RALGAPA2: variants seen among roughly 807,000 people sequenced by gnomAD.
RALGAPA2 encodes ral GTPase-activating protein subunit alpha-2.
A neutral mutation model predicts 230.4 loss-of-function variants in RALGAPA2; 139 were observed. The observed-to-expected ratio is 0.60, with a 90% CI of 0.53 to 0.69. The LOEUF is 0.69. Ranked by LOEUF, RALGAPA2 falls within the 30% of genes least tolerant of loss-of-function variation. RALGAPA2 has a pLI of 0.00. For synonymous variants in RALGAPA2, 847 were observed against 837.8 expected (o/e 1.01, Z -0.19); for missense variants, 2,163 against 2,276.0 (o/e 0.95, Z 1.01).
chr20:20,687,381 A>G (rs1176296729), intron 1 of RALGAPA2, among the ~76,000 whole-genome samples: 2 of 152,218 alleles, frequency 1.3e-5, no homozygotes, highest in Non-Finnish European at 2.9e-5. Context: ...GTTTGCAGAA[A>G]TGCCACAAAT....
intron 13 of RALGAPA2, 44 bp from the exon 14 acceptor site, chr20:20,611,470 C>T (rs1282625627): frequency 6.3e-7 from 1 of 1,580,714 alleles, no homozygotes; most frequent in Non-Finnish European, 8.6e-7. Context: ...ATCATGTCTC[C>T]AAAGCACTTT....
chr20:20,598,297 T>C (rs1262907675), intron 16 of RALGAPA2, among the ~76,000 whole-genome samples: 1 of 152,188 alleles, frequency 6.6e-6, no homozygotes. Context: ...ATTCATTTTT[T>C]GGAAGGCATA....
At chr20:20,477,697 T>A (rs372340824) in intron 36 of RALGAPA2, among the ~76,000 whole-genome samples, 7 of 152,270 alleles carry the variant, frequency 4.6e-5, no homozygotes, top group East Asian at 3.9e-4. Flanking sequence ...GCAATTCTAG[T>A]GCCTCAGCCT....
chr20:20,548,179 A>C (rs1292868677), intron 23 of RALGAPA2, among the ~76,000 whole-genome samples: 2 of 152,054 alleles, frequency 1.3e-5, no homozygotes, highest in Non-Finnish European at 2.9e-5. Context: ...CTTAGATTTC[A>C]GTATGGTTAT....
At chr20:20,657,940 T>C (rs1201980176) in intron 3 of RALGAPA2, among the ~76,000 whole-genome samples, 2 of 152,228 alleles carry the variant, frequency 1.3e-5, no homozygotes, top group African/African-American at 4.8e-5. Flanking sequence ...TTTTCCAAAA[T>C]ACATATTGGT....
Position 20,604,337 on chromosome 20 carries a change from T to C in RALGAPA2, c.2038+838A>G, listed in dbSNP as rs557982111. On this transcript the variant is annotated intron_variant, in intron 15 of 39. Coordinates refer to ENST00000202677, the MANE Select transcript of RALGAPA2 (RefSeq NM_020343.4). ...TCCTAATAGAAACTACCACTGATGTTTTCTACCTTGAAAACATAACTTTCA... is the reference window on the plus strand; with the variant it reads ...TCCTAATAGAAACTACCACTGATGTCTTCTACCTTGAAAACATAACTTTCA... 5.8e-4 allele frequency among the ~76,000 whole-genome samples: 89 copies of C among 152,316 alleles called. No homozygotes were observed. In the Middle Eastern group the frequency reaches 0.01, roughly 17 times the overall value.
chr20:20,487,091 T>G (rs893456256), intron 36 of RALGAPA2, among the ~76,000 whole-genome samples: 3 of 152,234 alleles, frequency 2.0e-5, no homozygotes, highest in African/African-American at 7.2e-5. Flanking sequence ...CTGCTCTGTC[T>G]CTTAGAATTG....
chr20:20,603,095 C>T (rs1359744405), intron 15 of RALGAPA2, among the ~76,000 whole-genome samples: 1 of 152,186 alleles, frequency 6.6e-6, no homozygotes, highest in Non-Finnish European at 1.5e-5. Context: ...AGGGCCCAGA[C>T]TCTTGGCTCC....
At chr20:20,565,385 C>T (rs1358684832) in intron 23 of RALGAPA2, among the ~76,000 whole-genome samples, 1 of 152,170 alleles carries the variant, frequency 6.6e-6, no homozygotes, top group East Asian at 1.9e-4. Context: ...ATGATACAGG[C>T]TGTCTGGGGT....
intron 23 of RALGAPA2, among the ~76,000 whole-genome samples, chr20:20,558,866 A>G (rs2064168554): frequency 6.6e-6 from 1 of 150,430 alleles, no homozygotes; most frequent in African/African-American, 2.4e-5. Context: ...AGCGTGCCCC[A>G]TGCATTTAAA....
chr20:20,663,759 T>G (rs1450651648), intron 3 of RALGAPA2, among the ~76,000 whole-genome samples: 1 of 152,064 alleles, frequency 6.6e-6, no homozygotes, highest in Non-Finnish European at 1.5e-5. Context: ...ACCTAGCTAA[T>G]TATTGTATTT....
intron 1 of RALGAPA2, among the ~76,000 whole-genome samples, chr20:20,694,139 AC>A (rs2069019365): frequency 6.6e-6 from 1 of 152,024 alleles, no homozygotes; most frequent in African/African-American, 2.4e-5. Context: ...AGATACCGTA[AC>A]TTTAAAAAAA....
chr20:20,554,516 C>A (rs1266696379), intron 23 of RALGAPA2, among the ~76,000 whole-genome samples: 1 of 152,002 alleles, frequency 6.6e-6, no homozygotes, highest in Non-Finnish European at 1.5e-5. Flanking sequence ...TTCTTCTTGG[C>A]CATTTTTATA....
At chr20:20,663,941 A>T (rs1051663840) in intron 3 of RALGAPA2, among the ~76,000 whole-genome samples, 5 of 152,142 alleles carry the variant, frequency 3.3e-5, no homozygotes, top group Non-Finnish European at 7.4e-5. Flanking sequence ...AAGCAATGTG[A>T]TACCACAACA....
intron 1 of RALGAPA2, among the ~76,000 whole-genome samples, chr20:20,687,144 A>G (rs1166110612): frequency 6.6e-6 from 1 of 152,240 alleles, no homozygotes; most frequent in Non-Finnish European, 1.5e-5. Context: ...GGTGATAGGA[A>G]AAAGGGTAAG....
chr20:20,434,490 T>C (rs2060566446), intron 37 of RALGAPA2, among the ~76,000 whole-genome samples: 1 of 152,094 alleles, frequency 6.6e-6, no homozygotes, highest in South Asian at 2.1e-4. Flanking sequence ...GCCTCTGATA[T>C]CCTAACACTA....
rs1382994392 is a variant in RALGAPA2, at chr20:20,393,078, A to AC, written c.*210dup. On this transcript the variant is annotated 3_prime_UTR_variant, in exon 40 of 40. Transcript: ENST00000202677. Reference sequence around the variant, plus strand: ...CATCTGAGACACGGTAGTGGGATTCACCATGGGCTTCAGAAGTCCACTAAT... The same window carrying AC: ...CATCTGAGACACGGTAGTGGGATTCACCCATGGGCTTCAGAAGTCCACTAAT... 3.7e-6 allele frequency: 5 copies of AC among 1,342,130 alleles called. No homozygotes were observed. In the African/African-American group the frequency reaches 7.4e-5, roughly 20 times the overall value. The allele number at this position is 1,342,130 out of a possible 1,614,324, so 83.1% of individuals were successfully genotyped here. A position where few individuals can be genotyped will look rare whatever the true frequency, so the allele number is the denominator to read the frequency against.
At chr20:20,449,577 T>C (rs80103683) in intron 37 of RALGAPA2, among the ~76,000 whole-genome samples, 1 of 152,352 alleles carries the variant, frequency 6.6e-6, no homozygotes, top group Non-Finnish European at 1.5e-5. Context: ...ATTAAGATTA[T>C]TTTTCAATCA....
rs1274405498 is a variant in RALGAPA2, at chr20:20,472,931, T to C, written c.5393A>G (p.Asp1798Gly). The C allele has an allele frequency of 6.2e-7, 1 of 1,602,496 alleles. No individual in the cohort carries two copies. Among genetic ancestry groups the C allele is most frequent in the Admixed American group, 1.8e-5 (1 of 56,240 alleles). Reference sequence around the variant, plus strand: ...CAGCTTCCCACTCACTATGGCTCCATCAAACAGAGGCCCAAAAAATGGAAC... The same window carrying C: ...CAGCTTCCCACTCACTATGGCTCCACCAAACAGAGGCCCAAAAAATGGAAC... The part of the protein sequence containing the change: ...PEVPFFGPLF[D>G]GAIVSGKLLP... Residue 1798 changes from aspartate (D) to glycine (G), a missense_variant, in exon 37 of 40, where the codon GAT becomes GGT. Physicochemically the swap from Asp to Gly is moderately conservative, Grantham distance 94. Coordinates refer to ENST00000202677, the MANE Select transcript of RALGAPA2 (RefSeq NM_020343.4).
Sources: gnomAD v4.1 joint callset for allele counts (sites outside exome capture counted in the v4.1 genomes callset) on GRCh38, gnomAD v4.1.1 for gene constraint, MANE v1.5 for transcripts, NCBI Gene and HGNC (gene_info 2026-07-23, HGNC 2026-07-21) for gene names.